The following KTN1 variants were observed in gnomAD, a reference collection of about 807,000 sequenced individuals.
KTN1 encodes kinectin.
Under a neutral mutation model 222.5 loss-of-function variants are expected in KTN1, and 130 were observed. The observed-to-expected ratio is 0.58, with a 90% CI of 0.51 to 0.68. The LOEUF (loss-of-function observed/expected upper bound fraction) is 0.68. KTN1 is among the 30% of genes least tolerant of loss of function. The pLI is 0.00. For missense variants in KTN1, 1,508 were observed against 1,500.4 expected, an observed-to-expected ratio of 1.01 and a Z score of -0.08; for synonymous variants, 512 against 496.3, an observed-to-expected ratio of 1.03 and a Z score of -0.42.
At chr14:55,641,477 C>T (rs2041797747) in intron 17 of KTN1, among the ~76,000 whole-genome samples, 1 of 152,062 alleles carries the variant, frequency 6.6e-6, no homozygotes, top group Admixed American at 6.6e-5. Flanking sequence ...TTTGTCTCCA[C>T]TGTTGCTGTA....
intron 29 of KTN1, among the ~76,000 whole-genome samples, chr14:55,656,979 A>G (rs1289418896): frequency 6.6e-6 from 1 of 152,212 alleles, no homozygotes; most frequent in Admixed American, 6.5e-5. Flanking sequence ...TCAATATCTT[A>G]CCTTCATGCA....
chr14:55,672,116 T>G (rs1303872276), intron 37 of KTN1: 1 of 419,188 alleles, frequency 2.4e-6, no homozygotes, highest in Non-Finnish European at 4.2e-6. Flanking sequence ...GAATGTAGAA[T>G]GCTAGTTACA....
intron 40 of KTN1, chr14:55,675,542 TATAA>T: frequency 8.0e-6 from 2 of 250,456 alleles, no homozygotes; most frequent in Non-Finnish European, 1.5e-5. Context: ...CAGTGACTGT[TATAA>T]ATAGTGATAT....
At chr14:55,652,757 C>T in intron 25 of KTN1, 93 bp from the exon 26 acceptor site, 1 of 778,256 alleles carries the variant, frequency 1.3e-6, no homozygotes, top group Non-Finnish European at 2.1e-6. Context: ...TCTGTGAGTA[C>T]TACCCAAAAT....
At chr14:55,644,363 A>G (rs1410183031) in intron 18 of KTN1, 3 of 701,806 alleles carry the variant, frequency 4.3e-6, no homozygotes, top group Admixed American at 4.0e-5. Flanking sequence ...GAAAAGATTG[A>G]GCGTATAAAA....
chr14:55,649,963 C>T (rs2042775189), intron 22 of KTN1, 150 bp downstream of exon 22: 1 of 501,276 alleles, frequency 2.0e-6, no homozygotes, highest in African/African-American at 2.1e-5. Context: ...AATAAGAGAA[C>T]TTAGCTGTGC....
chr14:55,586,419 TATC>T (rs1392810115), intron 1 of KTN1, among the ~76,000 whole-genome samples: 1 of 145,218 alleles, frequency 6.9e-6, no homozygotes, highest in Non-Finnish European at 1.5e-5. Flanking sequence ...TTAGGTGCAT[TATC>T]ATATCATATC....
intron 1 of KTN1, among the ~76,000 whole-genome samples, chr14:55,584,973 G>T (rs906286067): frequency 6.6e-6 from 1 of 151,692 alleles, no homozygotes; most frequent in Admixed American, 6.6e-5. Flanking sequence ...TCTTTAAAAA[G>T]AATATAAAAA....
rs1481555878 is a variant in KTN1, at chr14:55,636,550, G to C, written c.1549+14G>C. The stretch of plus-strand genomic sequence containing the variant: ...CAGCACAGCAAGGTAAGGGGAAGAA[G>C]TATTCATGTAAACTTTGTATATAAT... On this transcript the variant is annotated intron_variant, in intron 10 of 43. Transcript: ENST00000395314. 1 of 1,579,450 alleles carries C rather than the reference G, an allele frequency of 6.3e-7. No individual in the cohort carries two copies. The highest frequency in any genetic ancestry group is 1.1e-5 in the South Asian group (1 of 87,460).
chr14:55,639,984 G>T lies in KTN1; in HGVS notation c.1895G>T (p.Ser632Ile). The T allele has an allele frequency of 6.3e-7, 1 of 1,598,992 alleles. No homozygotes were observed. The highest frequency in any genetic ancestry group is 8.6e-7 in the Non-Finnish European group (1 of 1,167,076). ...SLASERDRLTSKEEELKDIQN... is the reference protein window; with the variant it reads ...SLASERDRLTIKEEELKDIQN... ...GCAAGTGAACGTGATCGTTTAACAA[G>T]TAAAGAAGAGGAACTTAAGGTATAG... Residue 632 changes from serine (S) to isoleucine (I), a missense_variant, in exon 14 of 44, where the codon AGT (serine) becomes ATT (isoleucine). Transcript: ENST00000395314.
In KTN1 at chr14:55,612,482, C is replaced by G; in HGVS notation, c.434C>G (p.Pro145Arg). Reference protein sequence around the residue: ...ASKIPGKKVEPVPVTKQPTPP... With the variant: ...ASKIPGKKVERVPVTKQPTPP... ...AAGATTCCTGGCAAAAAAGTAGAAC[C>G]TGTCCCAGTTACTAAACAGCCCACC... is the stretch of plus-strand genomic sequence containing the variant. Residue 145 changes from proline to arginine, a missense_variant, in exon 2 of 44, where the codon CCT becomes CGT. Transcript: ENST00000395314. The G allele has an allele frequency of 6.2e-7, 1 of 1,614,094 alleles. No individual in the cohort carries two copies. Among genetic ancestry groups the G allele is most frequent in the Non-Finnish European group, 8.5e-7 (1 of 1,179,998 alleles).
At position 55,646,960 on chromosome 14, in the gene KTN1, A is replaced by G. The variant is rs369893726; in HGVS notation, c.2173-13A>G. 4 of 1,499,728 alleles carry G rather than the reference A, an allele frequency of 2.7e-6. No individual in the cohort carries two copies. Among genetic ancestry groups the G allele is most frequent in the South Asian group, 1.2e-5 (1 of 86,574 alleles). 92.9% of individuals were successfully genotyped at this position (1,499,728 alleles called of 1,614,324 possible). On this transcript the variant is annotated splice_polypyrimidine_tract_variant and intron_variant, in intron 18 of 43. Coordinates refer to ENST00000395314, the MANE Select transcript of KTN1 (RefSeq NM_001079521.2). The stretch of plus-strand genomic sequence containing the variant: ...TGGTAAAGTTAAACTTTTTTTGGTG[A>G]TTTTTATTTTAGCCTAATAAGGATG...
At chr14:55,617,165 C>G (rs543360137) in intron 3 of KTN1, among the ~76,000 whole-genome samples, 1 of 152,154 alleles carries the variant, frequency 6.6e-6, no homozygotes, top group African/African-American at 2.4e-5. Flanking sequence ...GACTAAACAA[C>G]TTAAAATTAT....
chr14:55,653,730 C>A, intron 28 of KTN1, 134 bp downstream of exon 28: 1 of 610,142 alleles, frequency 1.6e-6, no homozygotes, highest in Non-Finnish European at 2.9e-6. Context: ...ATTCCAGACG[C>A]AAATAGGCTA....
In KTN1 at chr14:55,612,507, C is replaced by G. The variant is rs143382185; in HGVS notation, c.459C>G (p.Thr153=). 2 of 1,612,220 alleles carry G rather than the reference C, an allele frequency of 1.2e-6. No homozygotes were observed. The highest frequency in any genetic ancestry group is 2.7e-5 in the African/African-American group (2 of 74,676). The change falls in exon 2 of 44, where the codon ACC becomes ACG. Residue 153 remains threonine, a synonymous_variant. Coordinates refer to ENST00000395314, the MANE Select transcript of KTN1 (RefSeq NM_001079521.2). ...VEPVPVTKQP[T]PPSEAAASKK... ...CTGTCCCAGTTACTAAACAGCCCAC[C>G]CCTCCCTCTGAAGCAGCTGCCTCGA...
intron 28 of KTN1, among the ~76,000 whole-genome samples, chr14:55,654,297 T>A (rs2043229114): frequency 6.6e-6 from 1 of 152,194 alleles, no homozygotes; most frequent in Admixed American, 6.5e-5. Context: ...AAGTGCCCCG[T>A]TTTAAACTGT....
At chr14:55,652,070 C>A (rs1351312097) in intron 25 of KTN1, 143 bp downstream of exon 25, 3 of 580,628 alleles carry the variant, frequency 5.2e-6, no homozygotes, top group Admixed American at 3.6e-5. Context: ...CCTAAGGGCC[C>A]TAAGTTTCTT....
chr14:55,671,733 A>G (rs1277592578), intron 36 of KTN1, 52 bp from the exon 37 acceptor site: 1 of 1,535,392 alleles, frequency 6.5e-7, no homozygotes, highest in Non-Finnish European at 9.0e-7. Context: ...AAATAGTTTT[A>G]TCTTGGCATT....
intron 1 of KTN1, among the ~76,000 whole-genome samples, chr14:55,582,213 G>A (rs1418849106): frequency 6.6e-6 from 1 of 152,074 alleles, no homozygotes; most frequent in Non-Finnish European, 1.5e-5. Context: ...AGACATTTAC[G>A]ATTTTGTTTC....
Sources: gnomAD v4.1 joint callset for allele counts (sites outside exome capture counted in the v4.1 genomes callset) on GRCh38, gnomAD v4.1.1 for gene constraint, MANE v1.5 for transcripts, NCBI Gene and HGNC (gene_info 2026-07-23, HGNC 2026-07-21) for gene names.